The following CSF1 variants were observed in gnomAD, a reference collection of about 807,000 sequenced individuals.
The protein encoded by CSF1 is macrophage colony-stimulating factor 1.
CSF1 carries 9 observed loss-of-function variants against 48.9 expected under a neutral mutation model. The observed-to-expected ratio is 0.18, with a 90% CI of 0.11 to 0.32. The LOEUF is 0.32. CSF1 is among the 10% of genes least tolerant of loss of function. CSF1 has a pLI of 1.00. For missense variants in CSF1, 672 were observed against 697.9 expected, an observed-to-expected ratio of 0.96 and a Z score of 0.42; for synonymous variants, 305 against 284.1, an observed-to-expected ratio of 1.07 and a Z score of -0.74.
Position 109,923,706 on chromosome 1 carries a change from T to G in CSF1, c.1085T>G (p.Val362Gly), listed in dbSNP as rs746693835. The change falls in exon 6 of 9, where the codon GTA becomes GGA. Residue 362 changes from valine to glycine, a missense_variant. Physicochemically the swap from Val to Gly is moderately radical, Grantham distance 109. Transcript: ENST00000329608. ...ASAKGQQPAD[V>G]TGTALPRVGP... Reference sequence around the variant, plus strand: ...GCAAAGGGCCAACAGCCGGCAGATGTAACTGGTACCGCCTTGCCCAGGGTG... The same window carrying G: ...GCAAAGGGCCAACAGCCGGCAGATGGAACTGGTACCGCCTTGCCCAGGGTG... The G allele has an allele frequency of 2.5e-6, 4 of 1,613,256 alleles. No individual in the cohort carries two copies. The African/African-American group carries it at 5.3e-5, about 22-fold the overall frequency.
At chr1:109,915,486 A>C (rs1654860075) in intron 2 of CSF1, 148 bp from the exon 3 acceptor site, 1 of 672,444 alleles carries the variant, frequency 1.5e-6, no homozygotes, top group African/African-American at 1.8e-5. Flanking sequence ...CTTCTCCTAG[A>C]CTTGACTCTG....
At chr1:109,927,670 GCCCGGCAGGTCCAGCCC>G (rs1647901779) in intron 8 of CSF1, among the ~76,000 whole-genome samples, 1 of 152,190 alleles carries the variant, frequency 6.6e-6, no homozygotes, top group African/African-American at 2.4e-5. Flanking sequence ...ATCCCACTTG[GCCCGGCAGGTCCAGCCC>G]TAAGGTGGTC....
intron 4 of CSF1, among the ~76,000 whole-genome samples, chr1:109,917,824 C>A (rs1350306951): frequency 6.6e-6 from 1 of 152,214 alleles, no homozygotes; most frequent in Non-Finnish European, 1.5e-5. Context: ...AGACACTGTT[C>A]TAGACACCAG....
chr1:109,923,626 A>G lies in CSF1; in HGVS notation c.1005A>G (p.Thr335=). Residue 335 remains threonine, a synonymous_variant, in exon 6 of 9, where the codon ACA becomes ACG. Transcript: ENST00000329608. ...GGCCAGGAGGGGGCAGCATGCAGACAGAGCCCGCCAGACCCAGCAACTTCC... is the reference window on the plus strand; with the variant it reads ...GGCCAGGAGGGGGCAGCATGCAGACGGAGCCCGCCAGACCCAGCAACTTCC... ...PSRPGGGSMQ[T]EPARPSNFLS... 3 of 1,614,036 alleles carry G rather than the reference A, an allele frequency of 1.9e-6. No individual in the cohort carries two copies. The highest frequency in any genetic ancestry group is 2.5e-6 in the Non-Finnish European group (3 of 1,179,926).
Position 109,923,605 on chromosome 1 carries a change from A to G in CSF1, c.984A>G (p.Pro328=). The part of the protein sequence containing the change: ...PQGTELSPSR[P]GGGSMQTEPA... Reference sequence around the variant, plus strand: ...GGACAGAGCTTTCCCCCTCCAGGCCAGGAGGGGGCAGCATGCAGACAGAGC... The same window carrying G: ...GGACAGAGCTTTCCCCCTCCAGGCCGGGAGGGGGCAGCATGCAGACAGAGC... The change falls in exon 6 of 9, where the codon CCA becomes CCG. Residue 328 remains proline, a synonymous_variant. Coordinates refer to ENST00000329608, the MANE Select transcript of CSF1 (RefSeq NM_000757.6). 6.2e-6 allele frequency: 10 copies of G among 1,614,146 alleles called. No homozygotes were observed. Among genetic ancestry groups the G allele is most frequent in the Admixed American group, 1.7e-5 (1 of 60,022 alleles).
intron 1 of CSF1, among the ~76,000 whole-genome samples, chr1:109,911,550 G>A (rs1173150465): frequency 6.6e-6 from 1 of 152,172 alleles, no homozygotes; most frequent in African/African-American, 2.4e-5. Context: ...TAGAACGCCA[G>A]GGACTTGCTG....
intron 4 of CSF1, among the ~76,000 whole-genome samples, chr1:109,920,434 A>C (rs1376346008): frequency 1.3e-5 from 2 of 151,866 alleles, no homozygotes; most frequent in African/African-American, 2.4e-5. Flanking sequence ...TGCCCAGCTA[A>C]TTTTTGTCTT....
intron 5 of CSF1, 120 bp downstream of exon 5, chr1:109,922,114 C>A: frequency 8.4e-7 from 1 of 1,192,958 alleles, no homozygotes; most frequent in Non-Finnish European, 1.2e-6. Context: ...ACTCGTGTTC[C>A]CGTGTGCATG....
At chr1:109,927,979 T>G (rs1053044051) in intron 8 of CSF1, among the ~76,000 whole-genome samples, 5 of 152,212 alleles carry the variant, frequency 3.3e-5, no homozygotes, top group Admixed American at 1.3e-4. Flanking sequence ...TGGTTCCCCT[T>G]CTTTCCCTCT....
chr1:109,923,964 A>T lies in CSF1; in HGVS notation c.1343A>T (p.Asp448Val). 1 of 1,614,156 alleles carries T rather than the reference A, an allele frequency of 6.2e-7. No individual in the cohort carries two copies. Among genetic ancestry groups the T allele is most frequent in the South Asian group, 1.1e-5 (1 of 91,078 alleles). ...CTGGAGGGCAGGAGGAGCACCAGGG[A>T]TCGGAGGAGCCCCGCAGAGCCAGAA... ...GELEGRRSTRDRRSPAEPEGG... is the reference protein window; with the variant it reads ...GELEGRRSTRVRRSPAEPEGG... Residue 448 changes from aspartate (D) to valine (V), a missense_variant, in exon 6 of 9, where the codon GAT (aspartate) becomes GTT (valine). Asp to Val is a radical substitution (Grantham distance 152). Transcript: ENST00000329608.
intron 1 of CSF1, among the ~76,000 whole-genome samples, chr1:109,912,293 A>G (rs1432962304): frequency 6.6e-6 from 1 of 152,090 alleles, no homozygotes; most frequent in African/African-American, 2.4e-5. Flanking sequence ...GGGGAAGATG[A>G]AATGGAATAG....
At chr1:109,914,198 G>A in intron 1 of CSF1, 61 bp from the exon 2 acceptor site, 1 of 1,534,548 alleles carries the variant, frequency 6.5e-7, no homozygotes, top group Non-Finnish European at 8.8e-7. Context: ...GCGTTGAGCA[G>A]GGCATGGGGA....
intron 4 of CSF1, among the ~76,000 whole-genome samples, chr1:109,919,514 T>A (rs915471363): frequency 2.0e-5 from 3 of 152,086 alleles, no homozygotes; most frequent in Admixed American, 1.3e-4. Context: ...CAAATGTGAG[T>A]TACTGTGCCT....
intron 4 of CSF1, among the ~76,000 whole-genome samples, chr1:109,919,293 C>T (rs1476124705): frequency 1.3e-5 from 2 of 152,296 alleles, no homozygotes; most frequent in East Asian, 3.9e-4. Context: ...AGCTGAAGTT[C>T]AGCGGCGCAA....
At position 109,914,322 on chromosome 1, in the gene CSF1, G is replaced by A. The variant is rs1352608024; in HGVS notation, c.103G>A (p.Val35Met). 6.2e-7 allele frequency: 1 copy of A among 1,608,116 alleles called. No individual in the cohort carries two copies. The highest frequency in any genetic ancestry group is 8.5e-7 in the Non-Finnish European group (1 of 1,177,278). Residue 35 changes from valine (V) to methionine (M), a missense_variant, in exon 2 of 9, where the codon GTG becomes ATG. By Grantham distance (21) the Val-to-Met change is conservative. This residue lies in a region of CSF1 where 53 missense variants were observed against 45.5 expected (regional missense o/e 1.17). Transcript: ENST00000329608. ...GGCGAGCAGGAGTATCACCGAGGAG[G>A]TGTCGGAGTACTGTAGCCACATGAT... ...LLASRSITEE[V>M]SEYCSHMIGS...
chr1:109,919,705 A>G (rs1570794398), intron 4 of CSF1, among the ~76,000 whole-genome samples: 2 of 150,666 alleles, frequency 1.3e-5, no homozygotes, highest in Admixed American at 1.3e-4. Context: ...CATGCCTCTA[A>G]TCCTGGCACT....
chr1:109,920,602 C>T (rs1647487532), intron 4 of CSF1, among the ~76,000 whole-genome samples: 1 of 152,184 alleles, frequency 6.6e-6, no homozygotes, highest in African/African-American at 2.4e-5. Flanking sequence ...CAGGTGTGAG[C>T]CACCGCACCC....
At chr1:109,919,979 A>AAAT (rs1647453414) in intron 4 of CSF1, among the ~76,000 whole-genome samples, 2 of 140,690 alleles carry the variant, frequency 1.4e-5, no homozygotes, top group African/African-American at 5.1e-5. Flanking sequence ...AATAAATAAA[A>AAAT]GACTGAACCC....
At chr1:109,911,128 G>C (rs1654662968) in intron 1 of CSF1, 66 bp downstream of exon 1, 1 of 959,788 alleles carries the variant, frequency 1.0e-6, no homozygotes, top group South Asian at 4.7e-5. Context: ...CCAGGCGGCC[G>C]GGAGCGGCCC....
Sources: gnomAD v4.1 joint callset for allele counts (sites outside exome capture counted in the v4.1 genomes callset) on GRCh38, gnomAD v4.1.1 for gene constraint, gnomAD v4.1.1 regional missense constraint, MANE v1.5 for transcripts, NCBI Gene and HGNC (gene_info 2026-07-23, HGNC 2026-07-21) for gene names.